DENND5A: variants seen among roughly 807,000 people sequenced by gnomAD.
DENND5A encodes DENN domain-containing protein 5A.
DENND5A carries 64 observed loss-of-function variants against 140.3 expected under a neutral mutation model. The ratio of observed to expected loss-of-function variants is 0.46; its 90% CI spans 0.37 to 0.56. The LOEUF is 0.56. DENND5A is among the 20% of genes least tolerant of loss of function. The pLI is 0.00. For synonymous variants in DENND5A, 605 were observed against 607.7 expected, an observed-to-expected ratio of 1.00 and a Z score of 0.07; for missense variants, 1,292 against 1,593.8, an observed-to-expected ratio of 0.81 and a Z score of 3.22.
chr11:9,149,807 G>C (rs1258600783), intron 15 of DENND5A, among the ~76,000 whole-genome samples: 4 of 152,202 alleles, frequency 2.6e-5, no homozygotes, highest in Admixed American at 6.5e-5. Context: ...CCTGAATACA[G>C]GAAGGAGAGG....
intron 2 of DENND5A, chr11:9,207,302 A>C: frequency 3.9e-6 from 2 of 507,002 alleles, no homozygotes; most frequent in South Asian, 4.5e-5. Context: ...ATTCAGAATT[A>C]CTTGAAATTT....
intron 4 of DENND5A, among the ~76,000 whole-genome samples, chr11:9,194,213 T>C (rs1180450298): frequency 2.6e-5 from 4 of 152,224 alleles, no homozygotes; most frequent in Non-Finnish European, 5.9e-5. Flanking sequence ...GCTCTACACC[T>C]GGCAACCTTT....
At chr11:9,178,831 C>T in intron 7 of DENND5A, 27 bp downstream of exon 7, 1 of 1,586,180 alleles carries the variant, frequency 6.3e-7, no homozygotes, top group African/African-American at 1.3e-5. Flanking sequence ...TCATTCCTCA[C>T]CACCTCCCAA....
intron 12 of DENND5A, among the ~76,000 whole-genome samples, chr11:9,156,825 G>C (rs1226174135): frequency 6.7e-6 from 1 of 150,316 alleles, no homozygotes; most frequent in Non-Finnish European, 1.5e-5. Context: ...GGAGGGGAGG[G>C]AAAGGGGAAG....
intron 1 of DENND5A, among the ~76,000 whole-genome samples, chr11:9,264,554 A>G (rs1852357424): frequency 6.6e-6 from 1 of 151,852 alleles, no homozygotes; most frequent in South Asian, 2.1e-4. Context: ...GGCCAGATAA[A>G]CTCACCAAGT....
chr11:9,233,736 T>C (rs1850876799), intron 1 of DENND5A, among the ~76,000 whole-genome samples: 1 of 152,076 alleles, frequency 6.6e-6, no homozygotes, highest in Non-Finnish European at 1.5e-5. Flanking sequence ...CACCAGAAGC[T>C]CAAGGAATTA....
chr11:9,223,470 G>A (rs1284882347), intron 1 of DENND5A, among the ~76,000 whole-genome samples: 1 of 152,082 alleles, frequency 6.6e-6, no homozygotes, highest in Non-Finnish European at 1.5e-5. Flanking sequence ...AACCTGGGAA[G>A]TGGAGGTTGC....
chr11:9,204,202 G>C lies in DENND5A; in HGVS notation c.407C>G (p.Thr136Arg), dbSNP rs1849618485. The C allele has an allele frequency of 6.2e-7, 1 of 1,614,108 alleles. No homozygotes were observed. Among genetic ancestry groups the C allele is most frequent in the Non-Finnish European group, 8.5e-7 (1 of 1,180,024 alleles). The change falls in exon 4 of 23, where the codon ACA (threonine) becomes AGA (arginine). Residue 136 changes from threonine to arginine, a missense_variant. Around this residue, in one of 4 missense-constraint regions of DENND5A, gnomAD observed 566 missense variants for 650.4 expected, o/e 0.87. Coordinates refer to ENST00000328194, the MANE Select transcript of DENND5A (RefSeq NM_015213.4). ...CTTGCTAGTCACCTCTTCATAAAAT[G>C]TGAGGGCAAACCCAAATGTCCGAGA... ...DGSRTFGFALTFYEEVTSKQI... is the reference protein window; with the variant it reads ...DGSRTFGFALRFYEEVTSKQI...
chr11:9,187,217 G>A (rs1353598549), intron 5 of DENND5A, among the ~76,000 whole-genome samples: 1 of 152,144 alleles, frequency 6.6e-6, no homozygotes, highest in Admixed American at 6.5e-5. Flanking sequence ...ATACAGAGGG[G>A]CTCTAGCACA....
chr11:9,196,598 A>G (rs1382666249), intron 4 of DENND5A, among the ~76,000 whole-genome samples: 1 of 151,852 alleles, frequency 6.6e-6, no homozygotes, highest in African/African-American at 2.4e-5. Flanking sequence ...CCTTTTTTCA[A>G]ATTTTATTTT....
At chr11:9,169,704 G>C in intron 10 of DENND5A, 152 bp downstream of exon 10, 1 of 529,280 alleles carries the variant, frequency 1.9e-6, no homozygotes, top group Non-Finnish European at 3.4e-6. Context: ...CCCAGCATTA[G>C]ATATCAGGAA....
chr11:9,204,382 A>G, intron 3 of DENND5A, 65 bp from the exon 4 acceptor site: 1 of 1,469,850 alleles, frequency 6.8e-7, no homozygotes, highest in Non-Finnish European at 9.2e-7. Context: ...TCAGAACACC[A>G]TCACTATTTA....
intron 12 of DENND5A, among the ~76,000 whole-genome samples, chr11:9,157,667 T>C (rs1847854362): frequency 6.6e-6 from 1 of 152,236 alleles, no homozygotes; most frequent in South Asian, 2.1e-4. Context: ...ATGATCTAGT[T>C]CTTTTTTATG....
At chr11:9,244,175 G>A (rs1851365949) in intron 1 of DENND5A, among the ~76,000 whole-genome samples, 1 of 152,046 alleles carries the variant, frequency 6.6e-6, no homozygotes, top group Non-Finnish European at 1.5e-5. Flanking sequence ...CAGCAAAACT[G>A]GATGTTGGTT....
At chr11:9,244,897 G>A (rs949489986) in intron 1 of DENND5A, among the ~76,000 whole-genome samples, 3 of 151,896 alleles carry the variant, frequency 2.0e-5, no homozygotes, top group African/African-American at 7.2e-5. Flanking sequence ...GGCTGGTCTC[G>A]AACTCCTGGG....
At chr11:9,233,298 C>T (rs1350572887) in intron 1 of DENND5A, among the ~76,000 whole-genome samples, 1 of 150,632 alleles carries the variant, frequency 6.6e-6, no homozygotes, top group African/African-American at 2.4e-5. Flanking sequence ...ACTCAGGAGG[C>T]TGAGGCAGGA....
intron 1 of DENND5A, among the ~76,000 whole-genome samples, chr11:9,226,534 T>C (rs1850537842): frequency 6.6e-6 from 1 of 152,238 alleles, no homozygotes; most frequent in East Asian, 1.9e-4. Flanking sequence ...ATGTGGTTAT[T>C]TGGGATTTCA....
chr11:9,211,128 T>C (rs1849862910), intron 1 of DENND5A, among the ~76,000 whole-genome samples: 1 of 152,180 alleles, frequency 6.6e-6, no homozygotes, highest in African/African-American at 2.4e-5. Context: ...CAAGTACCTG[T>C]CTGTCATAAG....
rs1852190430 is a variant in DENND5A at position 9,261,372 on chromosome 11, A to G, written c.109+3589T>C. On this transcript the variant is annotated intron_variant, in intron 1 of 22. Transcript: ENST00000328194. ...CTACAAATTACAATTTCCTGTAGTTAGTTACTGAGTATGATATCATCAGTT... is the reference window on the plus strand; with the variant it reads ...CTACAAATTACAATTTCCTGTAGTTGGTTACTGAGTATGATATCATCAGTT... Among the ~76,000 whole-genome samples, 3 of 152,178 alleles carry G rather than the reference A, an allele frequency of 2.0e-5. No homozygotes were observed. In the South Asian group the frequency reaches 6.2e-4, roughly 31 times the overall value.
Sources: allele counts gnomAD v4.1 joint callset (sites outside exome capture counted in the v4.1 genomes callset), GRCh38; gene constraint gnomAD v4.1.1; regional missense constraint gnomAD v4.1.1; transcripts MANE v1.5; gene names NCBI Gene and HGNC (gene_info 2026-07-23, HGNC 2026-07-21).